Variants in RALYL observed in about 807,000 individuals in gnomAD.
The protein encoded by RALYL is RNA-binding Raly-like protein.
In RALYL, 29 loss-of-function variants were observed where a neutral mutation model predicts 35.1. That is an observed-to-expected ratio of 0.83 (90% CI 0.61 to 1.13). RALYL has a LOEUF of 1.13. Ranked by LOEUF, RALYL falls within the 50% of genes most tolerant of loss-of-function variation. The probability of loss-of-function intolerance (pLI) is 0.00; values close to 1 mark genes in which losing one functional copy is unlikely to be tolerated. For missense variants in RALYL, 359 were observed against 360.4 expected, an observed-to-expected ratio of 1.00 and a Z score of 0.03; for synonymous variants, 120 against 127.6, an observed-to-expected ratio of 0.94 and a Z score of 0.40.
At chr8:84,371,648 A>G (rs1855747400) in intron 1 of RALYL, among the ~76,000 whole-genome samples, 2 of 151,962 alleles carry the variant, frequency 1.3e-5, no homozygotes, top group African/African-American at 2.4e-5. Context: ...ACAAAATTCA[A>G]AGTTCCTAAG....
At chr8:84,342,360 A>G (rs1014799097) in intron 1 of RALYL, among the ~76,000 whole-genome samples, 1 of 142,360 alleles carries the variant, frequency 7.0e-6, no homozygotes, top group Non-Finnish European at 1.5e-5. Context: ...TACACACATT[A>G]ATCGTCTGTG....
rs1365110290 is a variant in RALYL, at chr8:84,793,306, AG to A, written c.333-11463del. Among the ~76,000 whole-genome samples, 3 of 152,318 alleles carry A rather than the reference AG, an allele frequency of 2.0e-5. No individual in the cohort carries two copies. The East Asian group carries it at 5.8e-4, about 29-fold the overall frequency. ...GAACCAGCAAAGGTGACTGGGAGGA[AG>A]CAACTAGTGAGGTAGTTAGGCTGGG... On this transcript the variant is annotated intron_variant, in intron 3 of 8. Coordinates refer to ENST00000521268, the MANE Select transcript of RALYL (RefSeq NM_173848.7).
intron 3 of RALYL, among the ~76,000 whole-genome samples, chr8:84,780,841 G>T (rs1211229178): frequency 1.3e-5 from 2 of 152,002 alleles, no homozygotes; most frequent in African/African-American, 4.8e-5. Context: ...ATTTTAGGAG[G>T]TTTTTCTTGT....
chr8:84,488,573 C>G (rs937155133), intron 1 of RALYL, among the ~76,000 whole-genome samples: 2 of 151,992 alleles, frequency 1.3e-5, no homozygotes, highest in Non-Finnish European at 2.9e-5. Flanking sequence ...CTAAATTTAT[C>G]TAGTTCCTCC....
At chr8:84,769,659 G>A (rs1389719594) in intron 2 of RALYL, among the ~76,000 whole-genome samples, 1 of 152,062 alleles carries the variant, frequency 6.6e-6, no homozygotes, top group African/African-American at 2.4e-5. Context: ...TACTTGGGAG[G>A]CTGAGGCAGG....
chr8:84,554,228 C>T (rs964164885), intron 2 of RALYL, among the ~76,000 whole-genome samples: 7 of 152,148 alleles, frequency 4.6e-5, no homozygotes, highest in African/African-American at 1.7e-4. Context: ...CAAGTCATCT[C>T]CATATTTTTC....
chr8:84,185,339 A>T, intron 1 of RALYL: 1 of 406,604 alleles, frequency 2.5e-6, no homozygotes, highest in Middle Eastern at 7.4e-4. Context: ...AGAACTGTGT[A>T]CAGGGCAGGA....
intron 2 of RALYL, among the ~76,000 whole-genome samples, chr8:84,622,401 A>G (rs531312249): frequency 3.1e-4 from 47 of 152,354 alleles, no homozygotes; most frequent in Non-Finnish European, 6.6e-4. Context: ...AGATATGAGC[A>G]TCGTTTACTA....
intron 2 of RALYL, among the ~76,000 whole-genome samples, chr8:84,715,992 A>G (rs529491050): frequency 3.3e-5 from 5 of 152,224 alleles, no homozygotes; most frequent in East Asian, 1.9e-4. Flanking sequence ...AGTATGTGGC[A>G]TATATTTTTG....
At chr8:84,745,828 G>T (rs1030861420) in intron 2 of RALYL, among the ~76,000 whole-genome samples, 1 of 151,962 alleles carries the variant, frequency 6.6e-6, no homozygotes, top group African/African-American at 2.4e-5. Flanking sequence ...GGGCCTAAAA[G>T]TATATGACTT....
At chr8:84,764,032 A>G (rs1182480439) in intron 2 of RALYL, among the ~76,000 whole-genome samples, 3 of 152,354 alleles carry the variant, frequency 2.0e-5, no homozygotes, top group Non-Finnish European at 4.4e-5. Context: ...CTATGACTCA[A>G]CTGATAGAGC....
chr8:84,458,733 T>C (rs893156688), intron 1 of RALYL, among the ~76,000 whole-genome samples: 1 of 151,780 alleles, frequency 6.6e-6, no homozygotes, highest in African/African-American at 2.4e-5. Context: ...GGAAGAATGA[T>C]CTATCACATA....
chr8:84,240,116 T>C (rs1182102092), intron 1 of RALYL, among the ~76,000 whole-genome samples: 1 of 152,170 alleles, frequency 6.6e-6, no homozygotes, highest in Non-Finnish European at 1.5e-5. Context: ...GACAATATTA[T>C]TGTAGACACA....
intron 2 of RALYL, among the ~76,000 whole-genome samples, chr8:84,649,218 C>T (rs933413486): frequency 2.2e-4 from 34 of 152,040 alleles, no homozygotes; most frequent in Non-Finnish European, 4.4e-4. Flanking sequence ...AATCTTCTCC[C>T]ATTTTTTAGG....
At chr8:84,587,242 CT>C in intron 2 of RALYL, among the ~76,000 whole-genome samples, 1 of 152,182 alleles carries the variant, frequency 6.6e-6, no homozygotes, top group East Asian at 1.9e-4. Flanking sequence ...AGGTTGAAAG[CT>C]TTTTTGAGGC....
At chr8:84,374,492 T>C (rs1171311227) in intron 1 of RALYL, among the ~76,000 whole-genome samples, 2 of 151,882 alleles carry the variant, frequency 1.3e-5, no homozygotes, top group Non-Finnish European at 2.9e-5. Flanking sequence ...CAACGACAGA[T>C]TGGATAAAGA....
intron 1 of RALYL, among the ~76,000 whole-genome samples, chr8:84,371,555 A>G (rs1327429554): frequency 2.6e-5 from 4 of 151,262 alleles, no homozygotes; most frequent in African/African-American, 9.8e-5. Flanking sequence ...ACACACACAC[A>G]CACACACACA....
intron 4 of RALYL, among the ~76,000 whole-genome samples, chr8:84,812,437 G>T (rs977055319): frequency 6.6e-6 from 1 of 152,106 alleles, no homozygotes; most frequent in East Asian, 1.9e-4. Context: ...TTTCCAGGGA[G>T]CATCAGCTGT....
intron 1 of RALYL, among the ~76,000 whole-genome samples, chr8:84,519,596 A>G (rs1008301427): frequency 3.3e-5 from 5 of 152,222 alleles, no homozygotes; most frequent in Non-Finnish European, 7.3e-5. Flanking sequence ...CCAATGGCAG[A>G]TATACCCTAA....
Sources: gnomAD v4.1 joint callset for allele counts (sites outside exome capture counted in the v4.1 genomes callset) on GRCh38, gnomAD v4.1.1 for gene constraint, MANE v1.5 for transcripts, NCBI Gene and HGNC (gene_info 2026-07-23, HGNC 2026-07-21) for gene names.